VPS39: variants seen among roughly 807,000 people sequenced by gnomAD.
VPS39 encodes the protein vam6/Vps39-like protein.
Under a neutral mutation model 121.0 loss-of-function variants are expected in VPS39, and 70 were observed. The observed-to-expected ratio is 0.58, with a 90% CI of 0.48 to 0.71. The LOEUF is 0.71. Ranked by LOEUF, VPS39 falls within the 30% of genes least tolerant of loss-of-function variation. VPS39 has a pLI of 0.00. For synonymous variants in VPS39, 378 were observed against 398.1 expected, an observed-to-expected ratio of 0.95 and a Z score of 0.60; for missense variants, 818 against 1,051.5, an observed-to-expected ratio of 0.78 and a Z score of 3.07.
chr15:42,179,739 G>C (rs1175029910), intron 8 of VPS39, among the ~76,000 whole-genome samples: 1 of 151,992 alleles, frequency 6.6e-6, no homozygotes, highest in East Asian at 1.9e-4. Flanking sequence ...TGTTGTTTCT[G>C]CTAGAGATTT....
chr15:42,171,003 G>C (rs1476419693), intron 11 of VPS39, among the ~76,000 whole-genome samples: 2 of 152,034 alleles, frequency 1.3e-5, no homozygotes, highest in African/African-American at 4.8e-5. Context: ...CCAAAATGCT[G>C]GGATTATAGG....
At chr15:42,186,937 T>C (rs2049715790) in intron 7 of VPS39, among the ~76,000 whole-genome samples, 1 of 152,196 alleles carries the variant, frequency 6.6e-6, no homozygotes, top group South Asian at 2.1e-4. Flanking sequence ...CTAAAATTAG[T>C]TTAAAATTCC....
intron 8 of VPS39, 136 bp downstream of exon 8, chr15:42,184,381 A>G: frequency 1.2e-6 from 1 of 859,332 alleles, no homozygotes. Flanking sequence ...AATGTCATCT[A>G]CTTATAAGAA....
At chr15:42,207,306 T>C (rs572843467) in intron 1 of VPS39, among the ~76,000 whole-genome samples, 1 of 152,322 alleles carries the variant, frequency 6.6e-6, no homozygotes, top group African/African-American at 2.4e-5. Flanking sequence ...ATGATTTCCT[T>C]GGTCTTTGGC....
intron 1 of VPS39, among the ~76,000 whole-genome samples, chr15:42,201,731 C>T (rs1031955534): frequency 2.0e-5 from 3 of 152,114 alleles, no homozygotes; most frequent in African/African-American, 7.2e-5. Flanking sequence ...AAATAATTAC[C>T]CTGACAGACC....
chr15:42,188,199 T>C (rs2049744797), intron 5 of VPS39, among the ~76,000 whole-genome samples: 2 of 152,342 alleles, frequency 1.3e-5, no homozygotes, highest in South Asian at 4.1e-4. Context: ...TGGCTGTCAA[T>C]GCATGCTGGG....
rs780656257 is a variant in VPS39 at position 42,164,463 on chromosome 15, C to T, written c.1921G>A (p.Glu641Lys). 5 of 1,614,076 alleles carry T rather than the reference C, an allele frequency of 3.1e-6. No homozygotes were observed. The East Asian group carries it at 6.7e-5, about 22-fold the overall frequency. The change falls in exon 19 of 25, where the codon GAG (glutamate) becomes AAG (lysine). Residue 641 changes from glutamate (E) to lysine (K), a missense_variant. Coordinates refer to ENST00000318006, the MANE Select transcript of VPS39 (RefSeq NM_015289.5). ...PAGKTPVPAG[E>K]EEGELGEYRQ... Reference sequence around the variant, plus strand: ...TATTCTCCCAGCTCACCCTCTTCCTCTCCAGCTGGGACTGGGGTTTTGCCT... The same window carrying T: ...TATTCTCCCAGCTCACCCTCTTCCTTTCCAGCTGGGACTGGGGTTTTGCCT...
chr15:42,162,121 T>A lies in VPS39; in HGVS notation c.2371A>T (p.Ile791Phe). Residue 791 changes from isoleucine to phenylalanine, a missense_variant, in exon 23 of 25, where the codon ATC (isoleucine) becomes TTC (phenylalanine). By Grantham distance (21) the Ile-to-Phe change is conservative (BLOSUM62 0). Coordinates refer to ENST00000318006, the MANE Select transcript of VPS39 (RefSeq NM_015289.5). ...PANTQINDIRIFLEKVLEENA... is the reference protein window; with the variant it reads ...PANTQINDIRFFLEKVLEENA... ...TCTTCCAAGACCTTTTCCAGGAAGA[T>A]GCGTATGTCATTGATCTGAGTGTTT... is the stretch of plus-strand genomic sequence containing the variant. 1 of 1,614,188 alleles carries A rather than the reference T, an allele frequency of 6.2e-7. No homozygotes were observed. Among genetic ancestry groups the A allele is most frequent in the Non-Finnish European group, 8.5e-7 (1 of 1,180,030 alleles).
chr15:42,164,350 A>C lies in VPS39; in HGVS notation c.2026+8T>G. The C allele has an allele frequency of 6.2e-7, 1 of 1,614,060 alleles. No individual in the cohort carries two copies. The highest frequency in any genetic ancestry group is 1.1e-5 in the South Asian group (1 of 91,080). On this transcript the variant is annotated splice_region_variant and intron_variant, in intron 19 of 24. Coordinates refer to ENST00000318006, the MANE Select transcript of VPS39 (RefSeq NM_015289.5). ...GAAGTGGCTTCTGGCCCTAAGCCAG[A>C]CACTCACCATCAAAGGGAAAATCAC...
intron 12 of VPS39, among the ~76,000 whole-genome samples, chr15:42,168,790 G>T (rs530136437): frequency 6.6e-6 from 1 of 152,210 alleles, no homozygotes; most frequent in Non-Finnish European, 1.5e-5. Flanking sequence ...GTGATCTTCT[G>T]TCTCAGCCTC....
chr15:42,171,498 G>A (rs1295442535), intron 11 of VPS39, among the ~76,000 whole-genome samples: 1 of 152,168 alleles, frequency 6.6e-6, no homozygotes, highest in Admixed American at 6.5e-5. Context: ...GCTGACCTCT[G>A]GATCACAGGG....
At position 42,208,273 on chromosome 15, in the gene VPS39, G is replaced by A; in HGVS notation, c.-120C>T. On this transcript the variant is annotated 5_prime_UTR_variant, in exon 1 of 25. Transcript: ENST00000318006. ...TCCGGCCAGGAACCCCCCGGCTACA[G>A]GCCCTTCAACAACACAGCCATCGTC... The A allele has an allele frequency of 3.7e-6, 5 of 1,340,442 alleles. No homozygotes were observed. The highest frequency in any genetic ancestry group is 2.2e-5 in the Admixed American group (1 of 44,676). 83.0% of individuals were successfully genotyped at this position (1,340,442 alleles called of 1,614,324 possible). A position where few individuals can be genotyped will look rare whatever the true frequency, so the allele number is the denominator to read the frequency against.
At position 42,198,118 on chromosome 15, in the gene VPS39, G is replaced by T. The variant is rs569579027; in HGVS notation, c.139+1778C>A. 5.3e-5 allele frequency among the ~76,000 whole-genome samples: 8 copies of T among 152,296 alleles called. No homozygotes were observed. In the East Asian group the frequency reaches 1.5e-3, roughly 29 times the overall value. The stretch of plus-strand genomic sequence containing the variant: ...TAGTCGCCACCAGGGTTCCAAGCCA[G>T]ATTAACACTAATATTACCAGTTCAG... On this transcript the variant is annotated intron_variant, in intron 2 of 24. Transcript: ENST00000318006.
chr15:42,200,051 G>T, intron 1 of VPS39, 90 bp from the exon 2 acceptor site: 1 of 1,249,900 alleles, frequency 8.0e-7, no homozygotes, highest in Non-Finnish European at 1.1e-6. Context: ...TATTTTTTTA[G>T]CTGGGGCTTG....
At chr15:42,183,763 AGCAGT>A (rs1326386532) in intron 8 of VPS39, among the ~76,000 whole-genome samples, 1 of 152,192 alleles carries the variant, frequency 6.6e-6, no homozygotes, top group African/African-American at 2.4e-5. Flanking sequence ...TAACACCTTA[AGCAGT>A]GCCTTGTTTT....
chr15:42,166,838 G>A lies in VPS39; in HGVS notation c.1453C>T (p.Leu485=). ...HCHIEESEHV[L]KKAHKYSELI... is the part of the protein sequence containing the mutation. Reference sequence around the variant, plus strand: ...TCACTGTACTTGTGAGCCTTCTTTAGCACGTGCTCGCTCTCCTCGATGTGG... The same window carrying A: ...TCACTGTACTTGTGAGCCTTCTTTAACACGTGCTCGCTCTCCTCGATGTGG... The change falls in exon 14 of 25, where the codon CTA becomes TTA. Residue 485 remains leucine, a synonymous_variant. Coordinates refer to ENST00000318006, the MANE Select transcript of VPS39 (RefSeq NM_015289.5). The A allele has an allele frequency of 1.2e-6, 2 of 1,614,228 alleles. No individual in the cohort carries two copies. The highest frequency in any genetic ancestry group is 1.7e-6 in the Non-Finnish European group (2 of 1,180,040).
rs2049496587 is a variant in VPS39, at chr15:42,178,209, A to T, written c.960+9T>A. The T allele has an allele frequency of 6.2e-7, 1 of 1,614,072 alleles. No homozygotes were observed. Reference sequence around the variant, plus strand: ...TAAGGAAGGAAGACTAGTCAGGAACAAGACTTACTGCGAGCTGCAGAGCCA... The same window carrying T: ...TAAGGAAGGAAGACTAGTCAGGAACTAGACTTACTGCGAGCTGCAGAGCCA... On this transcript the variant is annotated intron_variant, in intron 10 of 24. Coordinates refer to ENST00000318006, the MANE Select transcript of VPS39 (RefSeq NM_015289.5).
chr15:42,188,251 A>G (rs746767273), intron 5 of VPS39, among the ~76,000 whole-genome samples: 8 of 152,224 alleles, frequency 5.3e-5, no homozygotes, highest in Admixed American at 2.0e-4. Flanking sequence ...CCCACTTTTA[A>G]GCCTTTAAAG....
intron 10 of VPS39, among the ~76,000 whole-genome samples, chr15:42,177,388 G>C (rs963286559): frequency 6.6e-6 from 1 of 152,014 alleles, no homozygotes; most frequent in Non-Finnish European, 1.5e-5. Flanking sequence ...ATTTTGCTGT[G>C]AACAAGATCC....
Sources: gnomAD v4.1 joint callset for allele counts (sites outside exome capture counted in the v4.1 genomes callset) on GRCh38, gnomAD v4.1.1 for gene constraint, MANE v1.5 for transcripts, NCBI Gene and HGNC (gene_info 2026-07-23, HGNC 2026-07-21) for gene names.